Variants in VASH1 observed in about 807,000 individuals in gnomAD.
The protein encoded by VASH1 is tubulinyl-Tyr carboxypeptidase 1.
VASH1 carries 16 observed loss-of-function variants against 35.0 expected under a neutral mutation model. The observed-to-expected ratio is 0.46, with a 90% confidence interval of 0.31 to 0.70. The LOEUF is 0.70. VASH1 is among the 30% of genes least tolerant of loss of function. The pLI, the probability that VASH1 is intolerant of heterozygous loss-of-function variation, is 0.05. For missense variants in VASH1, 505 were observed against 510.7 expected (o/e 0.99, Z 0.11); for synonymous variants, 214 against 200.9 (o/e 1.07, Z -0.55).
At chr14:76,769,369 G>A in intron 1 of VASH1, 1 of 1,289,172 alleles carries the variant, frequency 7.8e-7, no homozygotes, top group Non-Finnish European at 1.0e-6. Flanking sequence ...GCTACAGCAA[G>A]ACCTGTTCCA....
At chr14:76,775,422 T>G (rs947380337) in intron 4 of VASH1, among the ~76,000 whole-genome samples, 3 of 151,834 alleles carry the variant, frequency 2.0e-5, no homozygotes, top group Non-Finnish European at 2.9e-5. Flanking sequence ...CACGTGATTG[T>G]ATTTGAAGGG....
chr14:76,767,244 C>CAATA (rs3059397), intron 1 of VASH1, among the ~76,000 whole-genome samples: 37,858 of 136,024 alleles, frequency 0.28, 5,739 homozygotes, highest in Non-Finnish European at 0.34. Context: ...AACTCTGTCT[C>CAATA]AATAAATAAA....
chr14:76,770,009 C>T lies in VASH1; in HGVS notation c.356C>T (p.Pro119Leu). The change falls in exon 2 of 7, where the codon CCT (proline) becomes CTT (leucine). Residue 119 changes from proline (P) to leucine (L), a missense_variant. Coordinates refer to ENST00000167106, the MANE Select transcript of VASH1 (RefSeq NM_014909.5). ...VPTFQPSTPV[P>L]ERLEAVQRYI... ...ACGTTCCAGCCGTCTACACCTGTCC[C>T]TGAGCGCCTGGAAGCTGTGCAGCGC... 6.2e-7 allele frequency: 1 copy of T among 1,614,152 alleles called. No homozygotes were observed. Among genetic ancestry groups the T allele is most frequent in the Non-Finnish European group, 8.5e-7 (1 of 1,179,974 alleles).
At chr14:76,767,797 C>T (rs1893683801) in intron 1 of VASH1, among the ~76,000 whole-genome samples, 3 of 152,244 alleles carry the variant, frequency 2.0e-5, no homozygotes, top group South Asian at 4.1e-4. Flanking sequence ...GAGCTAGCCT[C>T]GGTGATGGTG....
chr14:76,767,244 C>CAATAAATAAATA (rs3059397), intron 1 of VASH1, among the ~76,000 whole-genome samples: 3,490 of 136,232 alleles, frequency 0.026, 47 homozygotes, highest in East Asian at 0.034. Context: ...AACTCTGTCT[C>CAATAAATAAATA]AATAAATAAA....
In VASH1 at chr14:76,779,055, G is replaced by A; in HGVS notation, c.*37G>A. 1 of 1,609,892 alleles carries A rather than the reference G, an allele frequency of 6.2e-7. No individual in the cohort carries two copies. The highest frequency in any genetic ancestry group is 1.1e-5 in the South Asian group (1 of 91,008). ...GCACCCCAGGCCCCACCCACTCTTGGGGGCCAGGATCCACCTGCTGGAACC... is the reference window on the plus strand; with the variant it reads ...GCACCCCAGGCCCCACCCACTCTTGAGGGCCAGGATCCACCTGCTGGAACC... On this transcript the variant is annotated 3_prime_UTR_variant, in exon 7 of 7. Coordinates refer to ENST00000167106, the MANE Select transcript of VASH1 (RefSeq NM_014909.5).
chr14:76,769,261 T>G, intron 1 of VASH1: 1 of 1,275,232 alleles, frequency 7.8e-7, no homozygotes, highest in Non-Finnish European at 1.0e-6. Context: ...GAAGACTGTC[T>G]GGGTACCTGG....
chr14:76,771,486 AG>A (rs1264257015), intron 3 of VASH1, among the ~76,000 whole-genome samples: 1 of 152,190 alleles, frequency 6.6e-6, no homozygotes, highest in Non-Finnish European at 1.5e-5. Flanking sequence ...GCTGAGCTAG[AG>A]GGTGGGAGAG....
Position 76,770,015 on chromosome 14 carries a change from G to A in VASH1, c.362G>A (p.Arg121His), listed in dbSNP as rs1893748353. 6.2e-6 allele frequency: 10 copies of A among 1,614,106 alleles called. No homozygotes were observed. The highest frequency in any genetic ancestry group is 1.6e-4 in the Middle Eastern group (1 of 6,062). ...TFQPSTPVPERLEAVQRYIRE... is the reference protein window; with the variant it reads ...TFQPSTPVPEHLEAVQRYIRE... ...CAGCCGTCTACACCTGTCCCTGAGC[G>A]CCTGGAAGCTGTGCAGCGCTACATC... The change falls in exon 2 of 7, where the codon CGC becomes CAC. Residue 121 changes from arginine to histidine, a missense_variant. Transcript: ENST00000167106.
At chr14:76,763,252 A>T (rs1474259140) in intron 1 of VASH1, 122 bp downstream of exon 1, 1 of 1,047,860 alleles carries the variant, frequency 9.5e-7, no homozygotes, top group East Asian at 3.1e-5. Flanking sequence ...AGATCTTTAA[A>T]ATGCAGTGAT....
At position 76,773,476 on chromosome 14, in the gene VASH1, G is replaced by A. The variant is rs1051021908; in HGVS notation, c.530+265G>A. 15 of 507,946 alleles carry A rather than the reference G, an allele frequency of 3.0e-5. No homozygotes were observed. The South Asian group carries it at 4.8e-4, about 16-fold the overall frequency. 31.5% of individuals were successfully genotyped at this position (507,946 alleles called of 1,614,324 possible). A position where few individuals can be genotyped will look rare whatever the true frequency, so the allele number is the denominator to read the frequency against. On this transcript the variant is annotated intron_variant, in intron 4 of 6. Transcript: ENST00000167106. ...CTTTTTTGAGTCACGTGGATACAGGGACCGTTTTCTGAACCCCAAATCAGG... is the reference window on the plus strand; with the variant it reads ...CTTTTTTGAGTCACGTGGATACAGGAACCGTTTTCTGAACCCCAAATCAGG...
intron 3 of VASH1, among the ~76,000 whole-genome samples, 192 bp from the exon 4 acceptor site, chr14:76,772,945 T>C (rs1175398505): frequency 6.6e-6 from 1 of 152,202 alleles, no homozygotes; most frequent in African/African-American, 2.4e-5. Flanking sequence ...GGCCGCCTCT[T>C]TCCCACCCCC....
chr14:76,771,038 G>A (rs1180888342), intron 2 of VASH1, 152 bp from the exon 3 acceptor site: 1 of 582,150 alleles, frequency 1.7e-6, no homozygotes. Flanking sequence ...GAGGGAGAGG[G>A]AAAGAGAAGG....
chr14:76,779,209 A>G lies in VASH1; in HGVS notation c.*191A>G, dbSNP rs1894033491. On this transcript the variant is annotated 3_prime_UTR_variant, in exon 7 of 7. Coordinates refer to ENST00000167106, the MANE Select transcript of VASH1 (RefSeq NM_014909.5). ...AGCCAAGCCCCCTAACTTTGGGCCT[A>G]GAGGCCGTTAGTATTTTATTTGGAG... 2 of 692,654 alleles carry G rather than the reference A, an allele frequency of 2.9e-6. No homozygotes were observed. Among genetic ancestry groups the G allele is most frequent in the East Asian group, 5.4e-5 (2 of 37,230 alleles). The allele number at this position is 692,654 out of a possible 1,614,324, so 42.9% of individuals were successfully genotyped here. A position where few individuals can be genotyped will look rare whatever the true frequency, so the allele number is the denominator to read the frequency against.
chr14:76,772,431 T>C (rs1221260515), intron 3 of VASH1, among the ~76,000 whole-genome samples: 1 of 152,188 alleles, frequency 6.6e-6, no homozygotes, highest in Non-Finnish European at 1.5e-5. Flanking sequence ...TTTGTTGGCC[T>C]GTGGCTGCTG....
chr14:76,773,039 CCTT>C (rs1199430920), intron 3 of VASH1, 95 bp from the exon 4 acceptor site: 15 of 1,202,444 alleles, frequency 1.2e-5, no homozygotes, highest in Admixed American at 2.1e-5. Flanking sequence ...CAGCCTCTGT[CCTT>C]CTAGCATTTC....
chr14:76,777,929 T>A, intron 5 of VASH1, 30 bp from the exon 6 acceptor site: 1 of 1,445,586 alleles, frequency 6.9e-7, no homozygotes, highest in Non-Finnish European at 9.1e-7. Context: ...AGTCCTGGAG[T>A]GATGCTGTTG....
At position 76,779,734 on chromosome 14, in the gene VASH1, T is replaced by A; in HGVS notation, c.*716T>A. ...CTCTGGGCAAAAAGTTCCCAGGCCC[T>A]AACTGCGTCTACTTGCTCAGTCCCA... On this transcript the variant is annotated 3_prime_UTR_variant, in exon 7 of 7. Coordinates refer to ENST00000167106, the MANE Select transcript of VASH1 (RefSeq NM_014909.5). 3.4e-6 allele frequency: 2 copies of A among 581,648 alleles called. No individual in the cohort carries two copies. The highest frequency in any genetic ancestry group is 1.9e-5 in the African/African-American group (1 of 53,542). 36.0% of individuals were successfully genotyped at this position (581,648 alleles called of 1,614,324 possible).
intron 4 of VASH1, among the ~76,000 whole-genome samples, chr14:76,775,291 C>T (rs914777907): frequency 6.6e-6 from 1 of 152,040 alleles, no homozygotes; most frequent in East Asian, 1.9e-4. Context: ...GGGAAAAGGC[C>T]GGTGTGAGAA....
Sources: gnomAD v4.1 joint callset for allele counts (sites outside exome capture counted in the v4.1 genomes callset) on GRCh38, gnomAD v4.1.1 for gene constraint, MANE v1.5 for transcripts, NCBI Gene and HGNC (gene_info 2026-07-23, HGNC 2026-07-21) for gene names.